RBKS: variants seen among roughly 807,000 people sequenced by gnomAD.
RBKS encodes the protein ribokinase.
A neutral mutation model predicts 33.9 loss-of-function variants in RBKS; 33 were observed. The ratio of observed to expected loss-of-function variants is 0.97; its 90% CI spans 0.74 to 1.30. The LOEUF is 1.30. RBKS is among the 50% of genes most tolerant of loss of function. The pLI, the probability that RBKS is intolerant of heterozygous loss-of-function variation, is 0.00. For synonymous variants in RBKS, 125 were observed against 143.0 expected (o/e 0.87, Z 0.90); for missense variants, 361 against 392.6 (o/e 0.92, Z 0.68).
intron 7 of RBKS, among the ~76,000 whole-genome samples, chr2:27,812,572 C>T (rs963046772): frequency 2.6e-5 from 4 of 152,270 alleles, no homozygotes; most frequent in Non-Finnish European, 2.9e-5. Flanking sequence ...ATGGATGAAG[C>T]TGGAAACCAT....
chr2:27,879,030 C>A (rs556955709), intron 1 of RBKS, among the ~76,000 whole-genome samples: 1 of 152,186 alleles, frequency 6.6e-6, no homozygotes, highest in African/African-American at 2.4e-5. Context: ...TCAGCAGATA[C>A]CATGCAAGCC....
intron 7 of RBKS, among the ~76,000 whole-genome samples, chr2:27,785,754 T>C (rs1376506802): frequency 2.1e-5 from 3 of 142,790 alleles, no homozygotes; most frequent in Admixed American, 1.4e-4. Flanking sequence ...AGAGCGAGAC[T>C]CCATCTCAAA....
At chr2:27,802,430 TTGTGTGTGTGTG>T (rs35820162) in intron 7 of RBKS, among the ~76,000 whole-genome samples, 1 of 148,992 alleles carries the variant, frequency 6.7e-6, no homozygotes, top group Non-Finnish European at 1.5e-5. Context: ...GAACATATGT[TTGTGTGTGTGTG>T]TGTGTGTGTG....
chr2:27,837,865 AC>A lies in RBKS; in HGVS notation c.515-5089del, dbSNP rs1311443293. On this transcript the variant is annotated intron_variant, in intron 5 of 7. Coordinates refer to ENST00000302188, the MANE Select transcript of RBKS (RefSeq NM_022128.3). The surrounding 1 kb of genome is among the most constrained non-coding windows in gnomAD (Gnocchi z 4.0). ...CAGGTTGAAAAGCTACCTATTGAGT[AC>A]CGTGCTCCCTACCTGGGCGCAATAC... 1.3e-5 allele frequency among the ~76,000 whole-genome samples: 2 copies of A among 152,148 alleles called. No individual in the cohort carries two copies. Among genetic ancestry groups the A allele is most frequent in the Non-Finnish European group, 2.9e-5 (2 of 68,028 alleles).
intron 2 of RBKS, among the ~76,000 whole-genome samples, chr2:27,849,333 C>T (rs1449765041): frequency 6.6e-6 from 1 of 151,802 alleles, no homozygotes; most frequent in Non-Finnish European, 1.5e-5. Context: ...GAGGTCAAGG[C>T]GGATGGATCA....
At chr2:27,808,360 G>C (rs547286766) in intron 7 of RBKS, among the ~76,000 whole-genome samples, 1 of 152,308 alleles carries the variant, frequency 6.6e-6, no homozygotes, top group Non-Finnish European at 1.5e-5. Context: ...CAAGTATTTA[G>C]TAACCATTTT....
chr2:27,848,271 TTATA>T (rs1407289102), intron 2 of RBKS, among the ~76,000 whole-genome samples, 174 bp from the exon 3 acceptor site: 3 of 152,236 alleles, frequency 2.0e-5, no homozygotes, highest in Non-Finnish European at 4.4e-5. Flanking sequence ...CAAAGAATTG[TTATA>T]TAATGTTTCA....
At chr2:27,868,288 A>G (rs1664137867) in intron 1 of RBKS, among the ~76,000 whole-genome samples, 1 of 152,194 alleles carries the variant, frequency 6.6e-6, no homozygotes, top group African/African-American at 2.4e-5. Context: ...TCAAGAACTC[A>G]TTATGTTATT....
intron 7 of RBKS, among the ~76,000 whole-genome samples, chr2:27,815,134 G>A (rs1261652522): frequency 6.6e-6 from 1 of 152,032 alleles, no homozygotes; most frequent in Non-Finnish European, 1.5e-5. Context: ...AACTCCATCA[G>A]CAGCAATGGG....
chr2:27,789,041 G>A (rs2148181860), intron 7 of RBKS, among the ~76,000 whole-genome samples: 1 of 152,242 alleles, frequency 6.6e-6, no homozygotes, highest in Middle Eastern at 3.4e-3. Flanking sequence ...AGCCAAAACA[G>A]TTTTGAAAAA....
At chr2:27,880,885 T>G (rs912627302) in intron 1 of RBKS, among the ~76,000 whole-genome samples, 5 of 152,108 alleles carry the variant, frequency 3.3e-5, no homozygotes, top group African/African-American at 1.2e-4. Context: ...TAAGCTACCA[T>G]GACATTCATC....
intron 5 of RBKS, among the ~76,000 whole-genome samples, chr2:27,838,826 TA>T (rs1302800206): frequency 6.6e-6 from 1 of 152,196 alleles, no homozygotes; most frequent in African/African-American, 2.4e-5. Context: ...TAATTATTAT[TA>T]ATTACAGTGT....
intron 7 of RBKS, among the ~76,000 whole-genome samples, chr2:27,806,894 C>A (rs905275458): frequency 4.6e-5 from 7 of 152,178 alleles, no homozygotes; most frequent in Admixed American, 2.0e-4. Context: ...TTTCAAATGA[C>A]TTCCCAGGTG....
intron 7 of RBKS, among the ~76,000 whole-genome samples, chr2:27,785,865 T>C (rs190996416): frequency 3.3e-5 from 5 of 152,210 alleles, no homozygotes; most frequent in Non-Finnish European, 7.4e-5. Flanking sequence ...TCCTGTAATA[T>C]AGGAATATAG....
At chr2:27,835,276 CAA>C (rs35739589) in intron 5 of RBKS, among the ~76,000 whole-genome samples, 55 of 115,708 alleles carry the variant, frequency 4.8e-4, no homozygotes, top group Admixed American at 8.5e-4. Context: ...AACTCTGTCT[CAA>C]AAAAAAAAAA....
At chr2:27,864,500 A>G (rs1664049228) in intron 1 of RBKS, among the ~76,000 whole-genome samples, 2 of 152,170 alleles carry the variant, frequency 1.3e-5, no homozygotes, top group African/African-American at 4.8e-5. Flanking sequence ...AGGCAATGAG[A>G]GAGACAATAA....
intron 1 of RBKS, among the ~76,000 whole-genome samples, chr2:27,880,567 G>C (rs1211844546): frequency 6.6e-6 from 1 of 152,106 alleles, no homozygotes; most frequent in African/African-American, 2.4e-5. Flanking sequence ...CTTCAGCAAA[G>C]TCTCAGGATA....
chr2:27,878,519 G>A (rs1461636823), intron 1 of RBKS, among the ~76,000 whole-genome samples: 1 of 152,156 alleles, frequency 6.6e-6, no homozygotes, highest in African/African-American at 2.4e-5. Flanking sequence ...ATAGCAGCAT[G>A]ATTTATAGTC....
At chr2:27,851,902 A>G (rs1044808618) in intron 2 of RBKS, among the ~76,000 whole-genome samples, 1 of 152,118 alleles carries the variant, frequency 6.6e-6, no homozygotes, top group Admixed American at 6.5e-5. Context: ...ATGGTTCCAT[A>G]CAAGGTTTTG....
Sources: gnomAD v4.1 joint callset for allele counts (sites outside exome capture counted in the v4.1 genomes callset) on GRCh38, gnomAD v4.1.1 for gene constraint, Gnocchi (gnomAD v3.1) non-coding constraint, MANE v1.5 for transcripts, NCBI Gene and HGNC (gene_info 2026-07-23, HGNC 2026-07-21) for gene names.